Variants in LPP observed in about 807,000 individuals in gnomAD.
LPP encodes lipoma-preferred partner.
A neutral mutation model predicts 60.4 loss-of-function variants in LPP; 38 were observed. The observed-to-expected ratio is 0.63, with a 90% confidence interval of 0.49 to 0.83. The LOEUF is 0.83. LPP is among the 40% of genes least tolerant of loss of function. The probability of loss-of-function intolerance (pLI) is 0.00; values close to 1 mark genes in which losing one functional copy is unlikely to be tolerated. For synonymous variants in LPP, 328 were observed against 290.8 expected (o/e 1.13, Z -1.30); for missense variants, 902 against 783.6 (o/e 1.15, Z -1.80).
At chr3:188,460,256 G>A (rs979476366) in intron 4 of LPP, among the ~76,000 whole-genome samples, 2 of 152,122 alleles carry the variant, frequency 1.3e-5, no homozygotes, top group Non-Finnish European at 1.5e-5. Context: ...CAAGACTATT[G>A]CAGAGGTCTT....
intron 11 of LPP, among the ~76,000 whole-genome samples, chr3:188,873,120 T>A (rs1768592839): frequency 6.6e-6 from 1 of 152,210 alleles, no homozygotes; most frequent in Non-Finnish European, 1.5e-5. Context: ...GAGGCTTTGG[T>A]TAGAACTTCT....
intron 9 of LPP, among the ~76,000 whole-genome samples, chr3:188,797,992 G>A (rs147322439): frequency 6.6e-6 from 1 of 152,160 alleles, no homozygotes; most frequent in South Asian, 2.1e-4. Context: ...TCCACCAGGA[G>A]AATGGGAATG....
At chr3:188,527,016 G>T (rs971777055) in intron 6 of LPP, among the ~76,000 whole-genome samples, 3 of 152,088 alleles carry the variant, frequency 2.0e-5, no homozygotes, top group Admixed American at 6.5e-5. Flanking sequence ...GAATTGTATC[G>T]TTCGAGACAG....
At chr3:188,720,639 C>T (rs1178955348) in intron 8 of LPP, among the ~76,000 whole-genome samples, 5 of 151,040 alleles carry the variant, frequency 3.3e-5, no homozygotes, top group African/African-American at 1.2e-4. Flanking sequence ...ATCACAGAAG[C>T]AGGTCCAAGT....
intron 7 of LPP, among the ~76,000 whole-genome samples, chr3:188,631,812 TA>T (rs1847893407): frequency 6.6e-6 from 1 of 152,198 alleles, no homozygotes; most frequent in Admixed American, 6.5e-5. Flanking sequence ...GGTGATGACT[TA>T]AGCACACACC....
At chr3:188,843,709 C>T in intron 9 of LPP, among the ~76,000 whole-genome samples, 1 of 146,782 alleles carries the variant, frequency 6.8e-6, no homozygotes, top group Non-Finnish European at 1.5e-5. Flanking sequence ...ATGGCGTGAA[C>T]CCGGGAGGCG....
intron 6 of LPP, among the ~76,000 whole-genome samples, chr3:188,581,513 C>T (rs2150985322): frequency 6.6e-6 from 1 of 152,220 alleles, no homozygotes; most frequent in African/African-American, 2.4e-5. Context: ...GTCTTTTCTC[C>T]ACATTGCTGT....
intron 2 of LPP, among the ~76,000 whole-genome samples, chr3:188,322,292 T>C (rs1757170752): frequency 6.6e-6 from 1 of 152,332 alleles, no homozygotes; most frequent in Non-Finnish European, 1.5e-5. Flanking sequence ...TGTGAACATA[T>C]GACTTATAGG....
intron 6 of LPP, among the ~76,000 whole-genome samples, chr3:188,598,287 A>T (rs1206183387): frequency 2.6e-5 from 4 of 152,140 alleles, no homozygotes; most frequent in Non-Finnish European, 5.9e-5. Flanking sequence ...GGCAATGATC[A>T]TATTTGAGTT....
At chr3:188,851,507 G>A (rs931439969) in intron 9 of LPP, among the ~76,000 whole-genome samples, 5 of 152,164 alleles carry the variant, frequency 3.3e-5, no homozygotes, top group Non-Finnish European at 7.3e-5. Context: ...TTTTGCATCC[G>A]TACTTTATGC....
intron 1 of LPP, among the ~76,000 whole-genome samples, chr3:188,200,895 A>G (rs1730902119): frequency 6.6e-6 from 1 of 152,224 alleles, no homozygotes; most frequent in South Asian, 2.1e-4. Context: ...TAACACTGTA[A>G]TATAATTACA....
chr3:188,829,183 A>G (rs541682097), intron 9 of LPP, among the ~76,000 whole-genome samples: 1 of 152,238 alleles, frequency 6.6e-6, no homozygotes, highest in East Asian at 1.9e-4. Flanking sequence ...AATTCCTGTC[A>G]TTTTTGTATC....
intron 6 of LPP, among the ~76,000 whole-genome samples, chr3:188,534,407 T>C (rs4686970): frequency 0.47 from 70,780 of 152,114 alleles, 17,291 homozygotes; most frequent in East Asian, 0.92. Flanking sequence ...TGGAAATAAT[T>C]AGTCCTATGT....
At chr3:188,524,408 A>AAAC (rs774736003) in intron 5 of LPP, among the ~76,000 whole-genome samples, 1 of 152,194 alleles carries the variant, frequency 6.6e-6, no homozygotes, top group African/African-American at 2.4e-5. Context: ...TACTTATTTT[A>AAAC]AACAACAACA....
intron 1 of LPP, among the ~76,000 whole-genome samples, chr3:188,165,922 C>T (rs992947206): frequency 3.9e-5 from 6 of 152,228 alleles, no homozygotes; most frequent in African/African-American, 7.2e-5. Context: ...AGACGGGTGA[C>T]GGAACATACG....
chr3:188,595,836 A>AT (rs1839879401), intron 6 of LPP, among the ~76,000 whole-genome samples: 1 of 152,104 alleles, frequency 6.6e-6, no homozygotes, highest in South Asian at 2.1e-4. Context: ...ACGCAATCCT[A>AT]TTTTTTAAAT....
chr3:188,650,855 AT>A (rs948110848), intron 7 of LPP, among the ~76,000 whole-genome samples: 2 of 152,102 alleles, frequency 1.3e-5, no homozygotes, highest in Middle Eastern at 3.2e-3. Flanking sequence ...AGTCACGCCC[AT>A]TTGCTTATGT....
At chr3:188,378,035 G>A (rs184591623) in intron 3 of LPP, among the ~76,000 whole-genome samples, 4,236 of 152,234 alleles carry the variant, frequency 0.028, 202 homozygotes, top group African/African-American at 0.099. Flanking sequence ...TTGGTGAACC[G>A]CAAATGCTGC....
intron 7 of LPP, among the ~76,000 whole-genome samples, chr3:188,639,625 A>T (rs1335333333): frequency 6.7e-6 from 1 of 149,226 alleles, no homozygotes; most frequent in Non-Finnish European, 1.5e-5. Flanking sequence ...CATCTGACAA[A>T]GGGCTAATAT....
Sources: allele counts gnomAD v4.1 joint callset (sites outside exome capture counted in the v4.1 genomes callset), GRCh38; gene constraint gnomAD v4.1.1; transcripts MANE v1.5; gene names NCBI Gene and HGNC (gene_info 2026-07-23, HGNC 2026-07-21).